ST6GAL1: variants seen among roughly 807,000 people sequenced by gnomAD.
ST6GAL1 encodes beta-galactoside alpha-2,6-sialyltransferase 1.
Under a neutral mutation model 38.0 loss-of-function variants are expected in ST6GAL1, and 20 were observed. The observed-to-expected ratio is 0.53, with a 90% confidence interval of 0.37 to 0.77. The LOEUF (loss-of-function observed/expected upper bound fraction) is 0.77. Among genes scored for constraint, ST6GAL1 ranks in the 30% least tolerant of loss-of-function variants. ST6GAL1 has a pLI of 0.00. For missense variants in ST6GAL1, 432 were observed against 496.4 expected (o/e 0.87, Z 1.23); for synonymous variants, 196 against 188.2 (o/e 1.04, Z -0.34).
intron 5 of ST6GAL1, among the ~76,000 whole-genome samples, chr3:187,055,379 T>A (rs1718662094): frequency 6.6e-6 from 1 of 152,198 alleles, no homozygotes; most frequent in Admixed American, 6.5e-5. Flanking sequence ...GCTTCTCTAG[T>A]TCTTTTAATT....
At chr3:187,011,277 G>A (rs1716948777) in intron 2 of ST6GAL1, among the ~76,000 whole-genome samples, 1 of 152,218 alleles carries the variant, frequency 6.6e-6, no homozygotes, top group African/African-American at 2.4e-5. Flanking sequence ...GGGATTACAG[G>A]CGTGAGCCAC....
chr3:186,980,706 T>G (rs1579290722), intron 2 of ST6GAL1, among the ~76,000 whole-genome samples: 1 of 135,656 alleles, frequency 7.4e-6, no homozygotes, highest in Admixed American at 7.9e-5. Flanking sequence ...ACCTGGGAGG[T>G]GGAGGTTGCA....
chr3:186,968,252 G>A lies in ST6GAL1; in HGVS notation c.-183+4326G>A, dbSNP rs28578793. ...AGTTTCATCATCTGTAAAATGGGCCGAATAATACCTACCTTGAGTGAAGAT... is the reference window on the plus strand; with the variant it reads ...AGTTTCATCATCTGTAAAATGGGCCAAATAATACCTACCTTGAGTGAAGAT... On this transcript the variant is annotated intron_variant, in intron 2 of 7. Coordinates refer to ENST00000169298, the MANE Select transcript of ST6GAL1 (RefSeq NM_173216.2). Among the ~76,000 whole-genome samples, 976 of 152,176 alleles carry A rather than the reference G, an allele frequency of 6.4e-3. 11 individuals carry two copies. The highest frequency in any genetic ancestry group is 0.022 in the African/African-American group (928 of 41,502).
At chr3:186,978,857 C>T (rs1298375280) in intron 2 of ST6GAL1, among the ~76,000 whole-genome samples, 1 of 151,932 alleles carries the variant, frequency 6.6e-6, no homozygotes, top group Non-Finnish European at 1.5e-5. Flanking sequence ...CAATGGGCCA[C>T]TTTCATGACT....
intron 2 of ST6GAL1, among the ~76,000 whole-genome samples, chr3:187,035,538 A>G (rs1227793265): frequency 6.6e-6 from 1 of 152,238 alleles, no homozygotes; most frequent in African/African-American, 2.4e-5. Context: ...ACAGCATGGT[A>G]CTGGTACCAA....
chr3:186,934,270 C>T (rs1171056053), intron 1 of ST6GAL1, among the ~76,000 whole-genome samples: 2 of 152,060 alleles, frequency 1.3e-5, no homozygotes, highest in Non-Finnish European at 2.9e-5. Flanking sequence ...GGTGTGGTGG[C>T]TCACTCCAGT....
intron 1 of ST6GAL1, among the ~76,000 whole-genome samples, chr3:186,938,218 G>C (rs73187740): frequency 0.04 from 6,025 of 152,314 alleles, 193 homozygotes; most frequent in East Asian, 0.11. Context: ...CATGGATTTA[G>C]TTCAATTACC....
chr3:187,013,785 A>T (rs570242305), intron 2 of ST6GAL1, among the ~76,000 whole-genome samples: 74 of 152,168 alleles, frequency 4.9e-4, no homozygotes, highest in African/African-American at 1.7e-3. Flanking sequence ...GGGTTTGACC[A>T]TGTTGGCCAG....
chr3:186,977,549 C>T (rs1321306304), intron 2 of ST6GAL1, among the ~76,000 whole-genome samples: 1 of 152,134 alleles, frequency 6.6e-6, no homozygotes, highest in African/African-American at 2.4e-5. Flanking sequence ...CTCTCCTGGG[C>T]CCACTGGGTC....
chr3:186,964,345 A>G (rs1715027055), intron 2 of ST6GAL1: 1 of 152,180 alleles, frequency 6.6e-6, no homozygotes, highest in South Asian at 2.1e-4. Context: ...GACAGAGTGA[A>G]ACATTATGCA....
At chr3:186,973,446 T>C (rs1477359452) in intron 2 of ST6GAL1, among the ~76,000 whole-genome samples, 1 of 152,136 alleles carries the variant, frequency 6.6e-6, no homozygotes, top group Non-Finnish European at 1.5e-5. Context: ...TAGCACATGA[T>C]TGCACTGGCC....
chr3:187,055,205 C>T (rs1264937739), intron 5 of ST6GAL1, among the ~76,000 whole-genome samples: 3 of 148,648 alleles, frequency 2.0e-5, no homozygotes, highest in Non-Finnish European at 3.0e-5. Flanking sequence ...CTTTATTAGT[C>T]TTGCTAGCGG....
chr3:186,993,961 G>A (rs1038689695), intron 2 of ST6GAL1, among the ~76,000 whole-genome samples: 1 of 152,166 alleles, frequency 6.6e-6, no homozygotes, highest in Admixed American at 6.5e-5. Context: ...CATGTAGGTA[G>A]ACATGGCTCT....
At chr3:186,994,315 T>C (rs1161485273) in intron 2 of ST6GAL1, among the ~76,000 whole-genome samples, 1 of 152,186 alleles carries the variant, frequency 6.6e-6, no homozygotes, top group Non-Finnish European at 1.5e-5. Flanking sequence ...CCAGGTGTGA[T>C]CCCAGTATTT....
intron 2 of ST6GAL1, among the ~76,000 whole-genome samples, chr3:186,992,153 C>T (rs1716194084): frequency 6.6e-6 from 1 of 152,170 alleles, no homozygotes; most frequent in Non-Finnish European, 1.5e-5. Flanking sequence ...CCCAGAATCT[C>T]ATCTTGAATT....
intron 1 of ST6GAL1, among the ~76,000 whole-genome samples, chr3:186,934,910 G>A (rs930767780): frequency 1.3e-5 from 2 of 151,986 alleles, no homozygotes; most frequent in African/African-American, 4.8e-5. Flanking sequence ...GGGACTACAG[G>A]TGCCCGCCAC....
At chr3:186,957,288 CA>C (rs1240267047) in intron 1 of ST6GAL1, among the ~76,000 whole-genome samples, 1 of 152,034 alleles carries the variant, frequency 6.6e-6, no homozygotes, top group Non-Finnish European at 1.5e-5. Context: ...CTCAAAAATA[CA>C]AAAATTAGCC....
At chr3:186,976,772 A>G (rs143694369) in intron 2 of ST6GAL1, among the ~76,000 whole-genome samples, 91 of 152,122 alleles carry the variant, frequency 6.0e-4, no homozygotes, top group African/African-American at 2.1e-3. Context: ...TCATTACCCT[A>G]TTTTCCTGAT....
intron 1 of ST6GAL1, among the ~76,000 whole-genome samples, chr3:186,955,234 C>T (rs533475163): frequency 1.8e-4 from 27 of 152,118 alleles, no homozygotes; most frequent in Middle Eastern, 3.2e-3. Context: ...GTTACTGTAG[C>T]GTTGTAGTAT....
Sources: gnomAD v4.1 joint callset for allele counts (sites outside exome capture counted in the v4.1 genomes callset) on GRCh38, gnomAD v4.1.1 for gene constraint, MANE v1.5 for transcripts, NCBI Gene and HGNC (gene_info 2026-07-23, HGNC 2026-07-21) for gene names.